RNF144A: variants seen among roughly 807,000 people sequenced by gnomAD.
RNF144A encodes ring finger protein 144A.
Under a neutral mutation model 38.7 loss-of-function variants are expected in RNF144A, and 11 were observed. The observed-to-expected ratio is 0.28, with a 90% CI of 0.18 to 0.47. The LOEUF is 0.47. Among genes scored for constraint, RNF144A ranks in the 20% least tolerant of loss-of-function variants. The probability of loss-of-function intolerance (pLI) is 0.99; values close to 1 mark genes in which losing one functional copy is unlikely to be tolerated. For synonymous variants in RNF144A, 149 were observed against 143.9 expected (o/e 1.04, Z -0.25); for missense variants, 316 against 377.2 (o/e 0.84, Z 1.34).
chr2:7,070,638 G>C (rs983966064), downstream of RNF144A, among the ~76,000 whole-genome samples: 2 of 152,136 alleles, frequency 1.3e-5, no homozygotes, highest in African/African-American at 4.8e-5. Flanking sequence ...TCCAATGACC[G>C]CTGTCTTTAT....
intron 1 of RNF144A, chr2:6,918,614 A>T (rs1166337494): frequency 1.3e-5 from 2 of 151,422 alleles, no homozygotes; most frequent in African/African-American, 2.4e-5. Context: ...AATACAAAAA[A>T]TTAGCCGGGC....
chr2:6,922,591 A>G (rs1345074420), intron 1 of RNF144A, among the ~76,000 whole-genome samples: 1 of 150,800 alleles, frequency 6.6e-6, no homozygotes, highest in Admixed American at 6.6e-5. Flanking sequence ...CCTGCGAGCC[A>G]TGCAGAGGGG....
chr2:6,990,031 T>A (rs576305836), intron 2 of RNF144A, among the ~76,000 whole-genome samples: 2 of 152,182 alleles, frequency 1.3e-5, no homozygotes. Flanking sequence ...CATGAATGAA[T>A]ATACATTGAT....
intron 2 of RNF144A, among the ~76,000 whole-genome samples, chr2:6,966,395 T>G (rs1323710429): frequency 6.6e-6 from 1 of 152,206 alleles, no homozygotes; most frequent in East Asian, 1.9e-4. Flanking sequence ...ATGTTGGATG[T>G]TTTCTTCACC....
At chr2:6,918,130 C>T (rs1664257842) in intron 1 of RNF144A, among the ~76,000 whole-genome samples, 1 of 152,100 alleles carries the variant, frequency 6.6e-6, no homozygotes, top group Non-Finnish European at 1.5e-5. Context: ...GGCATCGCCA[C>T]CGGCGGGGAA....
intron 2 of RNF144A, among the ~76,000 whole-genome samples, chr2:6,965,255 T>A (rs1463448391): frequency 1.3e-5 from 2 of 151,826 alleles, no homozygotes; most frequent in Non-Finnish European, 1.5e-5. Flanking sequence ...GGAGGGAAAA[T>A]AGGGAAATAG....
Position 6,947,071 on chromosome 2 carries a change from G to A in RNF144A, c.-12+5924G>A, listed in dbSNP as rs541775399. ...TCTTCTAGTCCATCTGTGTATGTATGTGAACAAAGTATTGAAGTTATTATA... is the reference window on the plus strand; with the variant it reads ...TCTTCTAGTCCATCTGTGTATGTATATGAACAAAGTATTGAAGTTATTATA... On this transcript the variant is annotated intron_variant, in intron 2 of 8. Transcript: ENST00000320892. 7.2e-4 allele frequency among the ~76,000 whole-genome samples: 109 copies of A among 152,222 alleles called. 2 individuals carry two copies. In the South Asian group the frequency reaches 0.022, roughly 31 times the overall value.
intron 2 of RNF144A, among the ~76,000 whole-genome samples, chr2:6,950,003 A>G (rs918009545): frequency 1.3e-5 from 2 of 152,138 alleles, no homozygotes; most frequent in African/African-American, 4.8e-5. Context: ...ATAAAAAGAT[A>G]CCCGCTTTTT....
chr2:6,945,808 A>G (rs2103305452), intron 2 of RNF144A, among the ~76,000 whole-genome samples: 1 of 152,154 alleles, frequency 6.6e-6, no homozygotes, highest in African/African-American at 2.4e-5. Flanking sequence ...TAAGACAATG[A>G]GAAATGGATG....
At chr2:6,945,333 T>C (rs767147997) in intron 2 of RNF144A, among the ~76,000 whole-genome samples, 4 of 152,074 alleles carry the variant, frequency 2.6e-5, no homozygotes, top group Non-Finnish European at 5.9e-5. Context: ...CTGATGGTAT[T>C]GTTACAATCA....
intron 6 of RNF144A, among the ~76,000 whole-genome samples, chr2:7,066,822 A>G (rs1210523620): frequency 1.3e-5 from 2 of 152,218 alleles, no homozygotes; most frequent in Non-Finnish European, 2.9e-5. Context: ...GGAGACCTAT[A>G]AAAGGGATAT....
In RNF144A at chr2:7,040,549, G is replaced by A; in HGVS notation, c.*789G>A. On this transcript the variant is annotated 3_prime_UTR_variant, in exon 9 of 9. Coordinates refer to ENST00000320892, the MANE Select transcript of RNF144A (RefSeq NM_014746.6). ...CCTTTTGTTGTTTTCTCTCTTTGGT[G>A]ATTCAGCTCAGCTCATGGGCCTCAT... is the stretch of plus-strand genomic sequence containing the variant. The A allele has an allele frequency of 1.0e-6, 1 of 985,432 alleles. No individual in the cohort carries two copies. Among genetic ancestry groups the A allele is most frequent in the Non-Finnish European group, 1.2e-6 (1 of 829,942 alleles). 61.0% of individuals were successfully genotyped at this position (985,432 alleles called of 1,614,324 possible). A position where few individuals can be genotyped will look rare whatever the true frequency, so the allele number is the denominator to read the frequency against.
chr2:7,054,703 A>G (rs1027600017), intron 6 of RNF144A, among the ~76,000 whole-genome samples: 6 of 152,170 alleles, frequency 3.9e-5, no homozygotes, highest in African/African-American at 1.4e-4. Flanking sequence ...GGACCACAGC[A>G]AGGGGCACCA....
intron 2 of RNF144A, among the ~76,000 whole-genome samples, chr2:6,985,231 G>A (rs1322813459): frequency 1.4e-5 from 2 of 145,086 alleles, no homozygotes; most frequent in South Asian, 2.2e-4. Context: ...AACAGATTTA[G>A]TGTCATTTTG....
intron 1 of RNF144A, among the ~76,000 whole-genome samples, chr2:6,932,212 T>G (rs1665250114): frequency 6.6e-6 from 1 of 152,260 alleles, no homozygotes; most frequent in Non-Finnish European, 1.5e-5. Flanking sequence ...TCTGCTTTAT[T>G]CGAAATTAAC....
chr2:7,008,712 C>T (rs1351699291), intron 3 of RNF144A, among the ~76,000 whole-genome samples: 4 of 152,214 alleles, frequency 2.6e-5, no homozygotes, highest in Admixed American at 2.6e-4. Context: ...CTGGAAGGGG[C>T]GGTCTCTTCC....
chr2:7,024,557 T>C, intron 7 of RNF144A, 41 bp downstream of exon 7: 2 of 1,575,594 alleles, frequency 1.3e-6, no homozygotes, highest in Non-Finnish European at 1.7e-6. Flanking sequence ...CATTTAGCTT[T>C]GAGGTTTAGA....
At chr2:6,955,946 G>C (rs537741106) in intron 2 of RNF144A, among the ~76,000 whole-genome samples, 1 of 152,192 alleles carries the variant, frequency 6.6e-6, no homozygotes, top group East Asian at 1.9e-4. Flanking sequence ...ACTGGAACAA[G>C]AAGTGTGTTT....
At position 7,038,765 on chromosome 2, in the gene RNF144A, G is replaced by T. The variant is rs1218759710; in HGVS notation, c.748-864G>T. On this transcript the variant is annotated intron_variant, in intron 8 of 8. Transcript: ENST00000320892. ...TAGACTGGTGAATTGATGGGCAGAT[G>T]GATGATGGTTAGATGGATAGATGGG... 2.0e-5 allele frequency among the ~76,000 whole-genome samples: 3 copies of T among 152,284 alleles called. No homozygotes were observed. In the South Asian group the frequency reaches 6.2e-4, roughly 32 times the overall value.
Sources: allele counts gnomAD v4.1 joint callset (sites outside exome capture counted in the v4.1 genomes callset), GRCh38; gene constraint gnomAD v4.1.1; transcripts MANE v1.5; gene names NCBI Gene and HGNC (gene_info 2026-07-23, HGNC 2026-07-21).